The following ZC3H12B variants were observed in gnomAD, a reference collection of about 807,000 sequenced individuals.
The protein encoded by ZC3H12B is zinc finger CCCH-type containing 12B, also known as probable ribonuclease ZC3H12B.
ZC3H12B carries 7 observed loss-of-function variants against 43.9 expected under a neutral mutation model. The observed-to-expected ratio is 0.16, with a 90% CI of 0.09 to 0.30. ZC3H12B has a LOEUF of 0.30. Among genes scored for constraint, ZC3H12B ranks in the 10% least tolerant of loss-of-function variants. The pLI is 1.00. For missense variants in ZC3H12B, 475 were observed against 670.2 expected (o/e 0.71, Z 3.22); for synonymous variants, 222 against 241.7 (o/e 0.92, Z 0.76).
the ZC3H12B span, chrX:65,328,040 C>G: frequency 1.5e-5 from 4 of 269,107 alleles, no homozygotes; most frequent in Admixed American, 1.5e-4. Context: ...ATTGCTGGTA[C>G]TAAACAAAGT....
chrX:65,103,790 G>A, the ZC3H12B span, among the ~76,000 whole-genome samples: 4 of 111,439 alleles, frequency 3.6e-5, no homozygotes, highest in Non-Finnish European at 3.8e-5. Flanking sequence ...AAATGGAAAA[G>A]CATTCCATTT....
chrX:65,164,082 A>G, the ZC3H12B span, among the ~76,000 whole-genome samples: 1 of 112,179 alleles, frequency 8.9e-6, no homozygotes, highest in Non-Finnish European at 1.9e-5. Flanking sequence ...GTTGCAACAA[A>G]GAAATAGTTT....
chrX:65,315,090 C>A, the ZC3H12B span, among the ~76,000 whole-genome samples: 1 of 110,741 alleles, frequency 9.0e-6, no homozygotes, highest in Non-Finnish European at 1.9e-5. Flanking sequence ...GAACAAATAA[C>A]ACAAGGAGAA....
the ZC3H12B span, among the ~76,000 whole-genome samples, chrX:65,091,106 G>T: frequency 1.8e-5 from 2 of 111,583 alleles, no homozygotes; most frequent in Non-Finnish European, 3.8e-5. Flanking sequence ...CCACTCTCAG[G>T]TATTTCTTTA....
chrX:65,403,346 G>A (rs1434841590), intron 3 of ZC3H12B, among the ~76,000 whole-genome samples: 1 of 111,339 alleles, frequency 9.0e-6, no homozygotes, highest in Admixed American at 9.6e-5. Context: ...GCCTCAAAAT[G>A]TCAAAGTTAA....
the ZC3H12B span, among the ~76,000 whole-genome samples, chrX:65,091,160 C>T: frequency 9.1e-6 from 1 of 109,359 alleles, no homozygotes. Context: ...TGGTGTCATA[C>T]ATGTCCTTAT....
exon 5 of ZC3H12B, chrX:65,503,662 G>C (rs909414836): frequency 9.1e-6 from 1 of 110,140 alleles, no homozygotes; most frequent in African/African-American, 3.4e-5. Context: ...TGTTACACAG[G>C]CTGGAGTGCA....
At chrX:65,131,583 T>G in the ZC3H12B span, among the ~76,000 whole-genome samples, 1 of 111,349 alleles carries the variant, frequency 9.0e-6, no homozygotes, top group Non-Finnish European at 1.9e-5. Context: ...AGATTTAGGA[T>G]CTGTGGGGTC....
chrX:65,083,669 T>C, the ZC3H12B span, among the ~76,000 whole-genome samples: 8 of 111,603 alleles, frequency 7.2e-5, no homozygotes, highest in African/African-American at 2.6e-4. Context: ...TGTTAAAATG[T>C]CCATACTACT....
intron 2 of ZC3H12B, among the ~76,000 whole-genome samples, chrX:65,373,559 C>T (rs931402721): frequency 2.8e-5 from 3 of 108,998 alleles, no homozygotes; most frequent in African/African-American, 1.0e-4. Context: ...TACTATGCAG[C>T]CATAAAAAAG....
At chrX:65,501,173 T>A (rs779236945) in intron 4 of ZC3H12B, among the ~76,000 whole-genome samples, 6 of 110,929 alleles carry the variant, frequency 5.4e-5, no homozygotes, top group Non-Finnish European at 1.1e-4. Context: ...CTATGCTGCT[T>A]CAGCATGCAG....
chrX:65,304,306 C>T, the ZC3H12B span, among the ~76,000 whole-genome samples: 6 of 111,291 alleles, frequency 5.4e-5, no homozygotes, highest in East Asian at 1.7e-3. Context: ...AATTGAGTAA[C>T]CATATGCAAA....
the ZC3H12B span, among the ~76,000 whole-genome samples, chrX:65,036,801 A>G: frequency 9.1e-6 from 1 of 110,312 alleles, no homozygotes; most frequent in Non-Finnish European, 1.9e-5. Context: ...TCACCTTCAC[A>G]TACTTAGAGA....
chrX:65,158,070 A>G, the ZC3H12B span, among the ~76,000 whole-genome samples: 8 of 106,692 alleles, frequency 7.5e-5, no homozygotes, highest in East Asian at 3.0e-4. Flanking sequence ...ATGATTTCCA[A>G]TTTCATCCAT....
the ZC3H12B span, among the ~76,000 whole-genome samples, chrX:65,251,531 G>C: frequency 3.5e-4 from 39 of 111,359 alleles, no homozygotes; most frequent in African/African-American, 1.1e-3. Context: ...ACCTTGGACC[G>C]TATGGCCATT....
the ZC3H12B span, among the ~76,000 whole-genome samples, chrX:65,203,215 G>A: frequency 2.7e-5 from 3 of 112,279 alleles, no homozygotes; most frequent in African/African-American, 9.7e-5. Context: ...TCCAGGAGCT[G>A]CTTACAGCTC....
chrX:65,302,680 G>A, the ZC3H12B span, among the ~76,000 whole-genome samples: 2 of 111,656 alleles, frequency 1.8e-5, no homozygotes, highest in South Asian at 3.7e-4. Flanking sequence ...ATATGAGAAG[G>A]CAAAAGACCC....
At chrX:65,061,128 GT>G in the ZC3H12B span, among the ~76,000 whole-genome samples, 2 of 110,932 alleles carry the variant, frequency 1.8e-5, no homozygotes, top group African/African-American at 6.5e-5. Context: ...TTTCTTTTAT[GT>G]TTTTTTATTT....
chrX:65,291,029 T>C, the ZC3H12B span, among the ~76,000 whole-genome samples: 1 of 111,365 alleles, frequency 9.0e-6, no homozygotes, highest in African/African-American at 3.2e-5. Flanking sequence ...CTTAAATACA[T>C]GTAAAAAAAT....
Sources: allele counts gnomAD v4.1 joint callset (sites outside exome capture counted in the v4.1 genomes callset), GRCh38; gene constraint gnomAD v4.1.1; transcripts MANE v1.5; gene names NCBI Gene and HGNC (gene_info 2026-07-23, HGNC 2026-07-21).